The following CRACDL variants were observed in gnomAD, a reference collection of about 807,000 sequenced individuals.
The protein encoded by CRACDL is CRACD-like protein.
Under a neutral mutation model 70.6 loss-of-function variants are expected in CRACDL, and 26 were observed. That is an observed-to-expected ratio of 0.37 (90% CI 0.27 to 0.51). The LOEUF is 0.51. Ranked by LOEUF, CRACDL falls within the 20% of genes least tolerant of loss-of-function variation. CRACDL has a pLI of 0.94. For synonymous variants in CRACDL, 618 were observed against 615.2 expected (o/e 1.00, Z -0.07); for missense variants, 1,283 against 1,376.9 (o/e 0.93, Z 1.08).
chr2:98,869,464 C>T (rs921376835), intron 1 of CRACDL: 3 of 267,746 alleles, frequency 1.1e-5, no homozygotes, highest in African/African-American at 2.2e-5. Flanking sequence ...ACTCGCCTCC[C>T]TGTGATTGGC....
intron 1 of CRACDL, among the ~76,000 whole-genome samples, chr2:98,851,218 A>G (rs1706468910): frequency 6.6e-6 from 1 of 152,172 alleles, no homozygotes; most frequent in Non-Finnish European, 1.5e-5. Flanking sequence ...CTTCCTCCCA[A>G]GGCTGTGGGT....
chr2:98,835,340 C>T (rs1269354627), intron 3 of CRACDL, among the ~76,000 whole-genome samples: 1 of 152,190 alleles, frequency 6.6e-6, no homozygotes, highest in Admixed American at 6.5e-5. Context: ...CCATTTCACA[C>T]CACAAGGAGG....
rs1442282981 is a variant in CRACDL at position 98,793,883 on chromosome 2, T to C, written c.*649A>G. On this transcript the variant is annotated 3_prime_UTR_variant, in exon 10 of 10. Coordinates refer to ENST00000397899, the MANE Select transcript of CRACDL (RefSeq NM_207362.3). Reference sequence around the variant, plus strand: ...CTTTTATTAAACAGGCAATGCATTGTGCAGTGGTTAAAGACACAGATGCCT... The same window carrying C: ...CTTTTATTAAACAGGCAATGCATTGCGCAGTGGTTAAAGACACAGATGCCT... 2.0e-5 allele frequency: 3 copies of C among 152,686 alleles called. No individual in the cohort carries two copies. The highest frequency in any genetic ancestry group is 1.3e-4 in the Admixed American group (2 of 15,282). The allele number at this position is 152,686 out of a possible 1,614,324, so 9.5% of individuals were successfully genotyped here. A position where few individuals can be genotyped will look rare whatever the true frequency, so the allele number is the denominator to read the frequency against.
chr2:98,821,801 C>G, intron 7 of CRACDL, 56 bp downstream of exon 7: 1 of 1,577,694 alleles, frequency 6.3e-7, no homozygotes, highest in Non-Finnish European at 8.6e-7. Flanking sequence ...AAGATGTGCC[C>G]GTGGATGTGG....
chr2:98,811,114 G>A (rs1465598496), intron 7 of CRACDL, among the ~76,000 whole-genome samples: 1 of 152,166 alleles, frequency 6.6e-6, no homozygotes, highest in African/African-American at 2.4e-5. Context: ...CAGTGTTCAA[G>A]GGAAACACGA....
intron 1 of CRACDL, among the ~76,000 whole-genome samples, chr2:98,925,581 G>A (rs1358732863): frequency 6.6e-6 from 1 of 152,162 alleles, no homozygotes; most frequent in Non-Finnish European, 1.5e-5. Flanking sequence ...AAAGGCATCA[G>A]GGTTCACCCA....
At chr2:98,861,290 T>G (rs747569964) in intron 1 of CRACDL, among the ~76,000 whole-genome samples, 2 of 152,088 alleles carry the variant, frequency 1.3e-5, no homozygotes, top group Non-Finnish European at 2.9e-5. Flanking sequence ...GAGGTTGCAG[T>G]GAGCTGAGAT....
intron 1 of CRACDL, among the ~76,000 whole-genome samples, chr2:98,929,702 C>T (rs989412419): frequency 6.6e-5 from 10 of 152,056 alleles, no homozygotes; most frequent in Admixed American, 1.3e-4. Flanking sequence ...TTCTCAGGGA[C>T]GAGTTTAGTG....
chr2:98,838,040 A>T (rs1226493847), intron 3 of CRACDL, 79 bp downstream of exon 3: 2 of 1,294,830 alleles, frequency 1.5e-6, no homozygotes, highest in Non-Finnish European at 2.1e-6. Flanking sequence ...AAGGGGGCTC[A>T]GAAATCCAGC....
intron 1 of CRACDL, among the ~76,000 whole-genome samples, chr2:98,903,676 T>C (rs1018343806): frequency 2.6e-5 from 4 of 152,240 alleles, no homozygotes; most frequent in African/African-American, 9.6e-5. Flanking sequence ...ATGAAACCAT[T>C]TGCATCTGAT....
intron 1 of CRACDL, among the ~76,000 whole-genome samples, chr2:98,856,265 A>G (rs931784670): frequency 3.3e-5 from 5 of 152,216 alleles, no homozygotes; most frequent in African/African-American, 1.2e-4. Flanking sequence ...ATTTACAGCT[A>G]ATTTCTTATC....
At chr2:98,831,256 C>T (rs1705530614) in intron 5 of CRACDL, among the ~76,000 whole-genome samples, 2 of 152,176 alleles carry the variant, frequency 1.3e-5, no homozygotes, top group Non-Finnish European at 2.9e-5. Context: ...TGTCAGTCCC[C>T]ACCCCACACA....
chr2:98,922,545 AG>A lies in CRACDL; in HGVS notation c.-11+13392del, dbSNP rs1214350090. Among the ~76,000 whole-genome samples the A allele has an allele frequency of 2.6e-5, 4 of 152,290 alleles. No homozygotes were observed. The East Asian group carries it at 7.7e-4, about 29-fold the overall frequency. On this transcript the variant is annotated intron_variant, in intron 1 of 9. Coordinates refer to ENST00000397899, the MANE Select transcript of CRACDL (RefSeq NM_207362.3). ...TCTTGGCACTGTGCCCCCTGTGCCC[AG>A]TGGGCCAGCTGGCCTGGACCTGCCA...
At chr2:98,815,253 C>A (rs1347228115) in intron 7 of CRACDL, among the ~76,000 whole-genome samples, 2 of 152,174 alleles carry the variant, frequency 1.3e-5, no homozygotes, top group Non-Finnish European at 1.5e-5. Flanking sequence ...AATTTTGGTT[C>A]ATATCCTACA....
intron 1 of CRACDL, among the ~76,000 whole-genome samples, chr2:98,895,282 C>G (rs1002253677): frequency 2.0e-5 from 3 of 152,062 alleles, no homozygotes; most frequent in African/African-American, 7.3e-5. Context: ...GATCTTATAG[C>G]CTAGATCTAG....
chr2:98,834,586 T>C (rs67008211), intron 3 of CRACDL, among the ~76,000 whole-genome samples: 6,838 of 152,190 alleles, frequency 0.045, 165 homozygotes, highest in Middle Eastern at 0.068. Context: ...AAATAACAAA[T>C]AAATAAAAGT....
intron 1 of CRACDL, chr2:98,869,028 C>T (rs1469194386): frequency 1.3e-5 from 16 of 1,214,376 alleles, no homozygotes; most frequent in South Asian, 1.3e-5. Flanking sequence ...GCCTGGCCTC[C>T]CCTCCCTCGC....
chr2:98,894,828 G>A (rs1323763269), intron 1 of CRACDL, among the ~76,000 whole-genome samples: 2 of 152,170 alleles, frequency 1.3e-5, no homozygotes, highest in Admixed American at 1.3e-4. Context: ...GTTGGTGGCT[G>A]TGCATGGTGG....
At chr2:98,916,095 A>G (rs2104684659) in intron 1 of CRACDL, among the ~76,000 whole-genome samples, 1 of 152,340 alleles carries the variant, frequency 6.6e-6, no homozygotes, top group African/African-American at 2.4e-5. Flanking sequence ...AAAAGGGGAG[A>G]CTTTCCTAAT....
Sources: allele counts gnomAD v4.1 joint callset (sites outside exome capture counted in the v4.1 genomes callset), GRCh38; gene constraint gnomAD v4.1.1; transcripts MANE v1.5; gene names NCBI Gene and HGNC (gene_info 2026-07-23, HGNC 2026-07-21).